Variants in CCNB3 observed in about 807,000 individuals in gnomAD.
CCNB3 encodes cyclin B3.
Under a neutral mutation model 68.0 loss-of-function variants are expected in CCNB3, and 12 were observed. That is an observed-to-expected ratio of 0.18 (90% CI 0.11 to 0.29). The LOEUF is 0.29. Among genes scored for constraint, CCNB3 ranks in the 10% least tolerant of loss-of-function variants. The probability of loss-of-function intolerance (pLI) is 1.00; values close to 1 mark genes in which losing one functional copy is unlikely to be tolerated. For missense variants in CCNB3, 904 were observed against 993.1 expected, an observed-to-expected ratio of 0.91 and a Z score of 1.21; for synonymous variants, 354 against 388.9, an observed-to-expected ratio of 0.91 and a Z score of 1.06.
chrX:50,299,974 T>A (rs1168925366), intron 5 of CCNB3, among the ~76,000 whole-genome samples: 5 of 111,574 alleles, frequency 4.5e-5, no homozygotes, highest in African/African-American at 1.6e-4. Flanking sequence ...TTTTTTGTTT[T>A]CCATTTGCTT....
intron 3 of CCNB3, among the ~76,000 whole-genome samples, chrX:50,286,632 GGTTGTT>G (rs1416492251): frequency 1.3e-5 from 1 of 78,394 alleles, no homozygotes; most frequent in Non-Finnish European, 2.5e-5. Context: ...TTTTTTTTTT[GGTTGTT>G]GTTGTTGTTG....
At position 50,309,113 on chromosome X, in the gene CCNB3, C is replaced by T. The variant is rs1921250829; in HGVS notation, c.944C>T (p.Ser315Phe). Residue 315 changes from serine to phenylalanine, a missense_variant, in exon 6 of 13, where the codon TCC (serine) becomes TTC (phenylalanine). Physicochemically the swap from Ser to Phe is radical, Grantham distance 155 (BLOSUM62 -2). Around this residue, in one of 2 missense-constraint regions of CCNB3, gnomAD observed 619 missense variants for 609.8 expected, o/e 1.02. Transcript: ENST00000376042. ...LQTTICGAMS[S>F]IKKPTTEKET... is the part of the protein sequence containing the mutation. ...ACAACCATCTGTGGAGCAATGTCCT[C>T]CATTAAGAAGCCTACCACTGAGAAG... is the stretch of plus-strand genomic sequence containing the variant. 1.7e-6 allele frequency: 2 copies of T among 1,210,627 alleles called. No individual in the cohort carries two copies. The highest frequency in any genetic ancestry group is 4.3e-5 in the Admixed American group (2 of 46,043).
chrX:50,207,397 G>A (rs1935386783), intron 1 of CCNB3, among the ~76,000 whole-genome samples: 1 of 112,263 alleles, frequency 8.9e-6, no homozygotes, highest in South Asian at 3.8e-4. Flanking sequence ...TTCATTATGA[G>A]CTTTATCTTT....
At chrX:50,205,262 C>T (rs782437752) in intron 1 of CCNB3, among the ~76,000 whole-genome samples, 3 of 111,361 alleles carry the variant, frequency 2.7e-5, no homozygotes, top group Admixed American at 9.5e-5. Context: ...ACCACCATGG[C>T]GAAACCCCGT....
intron 1 of CCNB3, among the ~76,000 whole-genome samples, chrX:50,215,034 G>T (rs1048369125): frequency 5.1e-4 from 56 of 110,303 alleles, no homozygotes; most frequent in African/African-American, 1.8e-3. Flanking sequence ...CTGTCGCCCG[G>T]GCTGGAGGGA....
chrX:50,308,417 C>T (rs1210363901), intron 5 of CCNB3, 88 bp from the exon 6 acceptor site: 1 of 617,350 alleles, frequency 1.6e-6, no homozygotes, highest in Non-Finnish European at 2.5e-6. Flanking sequence ...CCCTTTCATA[C>T]CTTTAGTAAA....
chrX:50,350,105 TAC>T (rs1224765489), intron 11 of CCNB3, among the ~76,000 whole-genome samples: 2 of 111,257 alleles, frequency 1.8e-5, no homozygotes, highest in Non-Finnish European at 3.8e-5. Context: ...TCTACTAGAC[TAC>T]AGACTCCTCA....
chrX:50,287,001 C>A (rs192563169), intron 3 of CCNB3, among the ~76,000 whole-genome samples: 1 of 112,247 alleles, frequency 8.9e-6, no homozygotes, highest in East Asian at 2.8e-4. Flanking sequence ...TGTCATGAAT[C>A]CAATTCTGGT....
intron 3 of CCNB3, among the ~76,000 whole-genome samples, chrX:50,286,325 G>C (rs919163747): frequency 4.5e-5 from 5 of 111,899 alleles, no homozygotes; most frequent in Non-Finnish European, 7.5e-5. Flanking sequence ...TTTTGAGATG[G>C]AGTCTTGCTC....
intron 8 of CCNB3, among the ~76,000 whole-genome samples, chrX:50,315,140 G>T (rs1426330836): frequency 9.0e-6 from 1 of 111,252 alleles, no homozygotes; most frequent in African/African-American, 3.3e-5. Flanking sequence ...TTAAGCAGTG[G>T]TTATCCATTA....
chrX:50,288,781 CGGG>C lies in CCNB3; in HGVS notation c.101_103del (p.Gly34del). The C allele has an allele frequency of 8.4e-7, 1 of 1,193,838 alleles. No homozygotes were observed. The highest frequency in any genetic ancestry group is 2.2e-5 in the Admixed American group (1 of 45,798). On this transcript the variant is annotated inframe_deletion and splice_region_variant, in exon 4 of 13. Coordinates refer to ENST00000376042, the MANE Select transcript of CCNB3 (RefSeq NM_033031.3). Reference sequence around the variant, plus strand: ...CATTTACCTCTTTTACTTTTTTAGACGGGGGAGAATTGCCAAACGAAGATATCT... The same window carrying C: ...CATTTACCTCTTTTACTTTTTTAGACGGAGAATTGCCAAACGAAGATATCT...
chrX:50,228,649 T>C lies in CCNB3; in HGVS notation c.-113+23699T>C, dbSNP rs1165585810. On this transcript the variant is annotated intron_variant, in intron 1 of 12. Coordinates refer to ENST00000376042, the MANE Select transcript of CCNB3 (RefSeq NM_033031.3). ...ATAGAATATACATATAGAATATATATAGAATATATAGAATATATATAGAAT... is the reference window on the plus strand; with the variant it reads ...ATAGAATATACATATAGAATATATACAGAATATATAGAATATATATAGAAT... Among the ~76,000 whole-genome samples the C allele has an allele frequency of 8.9e-3, 726 of 81,126 alleles. 3 individuals are homozygous for C. The highest frequency in any genetic ancestry group is 0.038 in the Middle Eastern group (2 of 53). 70.4% of individuals were successfully genotyped at this position (81,126 alleles called of 115,157 possible). A position where few individuals can be genotyped will look rare whatever the true frequency, so the allele number is the denominator to read the frequency against.
At position 50,333,207 on chromosome X, in the gene CCNB3, A is replaced by C. The variant is rs781787008; in HGVS notation, c.3517-8995A>C. On this transcript the variant is annotated intron_variant, in intron 8 of 12. Coordinates refer to ENST00000376042, the MANE Select transcript of CCNB3 (RefSeq NM_033031.3). ...AGTCAGCCACAAATGCTGGCCCATT[A>C]TCCGAGCCGATTCATAAGGGCAGTC... is the stretch of plus-strand genomic sequence containing the variant. 1.1e-3 allele frequency among the ~76,000 whole-genome samples: 124 copies of C among 111,239 alleles called. 1 individual carries two copies. Among genetic ancestry groups the C allele is most frequent in the Middle Eastern group, 4.7e-3 (1 of 213 alleles).
At chrX:50,227,032 T>G (rs1254359822) in intron 1 of CCNB3, among the ~76,000 whole-genome samples, 2 of 78,615 alleles carry the variant, frequency 2.5e-5, no homozygotes, top group Non-Finnish European at 4.5e-5. Flanking sequence ...TATATACAAA[T>G]ATATAGAATA....
At chrX:50,228,843 A>C (rs1282571787) in intron 1 of CCNB3, among the ~76,000 whole-genome samples, 10 of 67,609 alleles carry the variant, frequency 1.5e-4, no homozygotes, top group Admixed American at 4.3e-4. Context: ...GAATACATAT[A>C]TAGAATATAT....
intron 4 of CCNB3, 69 bp from the exon 5 acceptor site, chrX:50,294,794 A>C: frequency 9.0e-7 from 1 of 1,115,280 alleles, no homozygotes; most frequent in Non-Finnish European, 1.2e-6. Context: ...CCTTTTAGGT[A>C]ATTTGTGGTT....
intron 9 of CCNB3, among the ~76,000 whole-genome samples, chrX:50,344,036 T>C (rs1923269855): frequency 8.9e-6 from 1 of 112,303 alleles, no homozygotes; most frequent in Admixed American, 9.4e-5. Context: ...AAGTGCCCAA[T>C]ACAAGTGTAC....
At chrX:50,319,947 C>T (rs1250845980) in intron 8 of CCNB3, among the ~76,000 whole-genome samples, 1 of 110,706 alleles carries the variant, frequency 9.0e-6, no homozygotes, top group Admixed American at 9.6e-5. Context: ...TTTTTATATT[C>T]CTGAGATAAA....
chrX:50,304,701 G>A (rs1291711794), intron 5 of CCNB3, among the ~76,000 whole-genome samples: 5 of 111,473 alleles, frequency 4.5e-5, no homozygotes, highest in African/African-American at 1.3e-4. Context: ...AGAAACTACC[G>A]TCAGAGTGAA....
Sources: gnomAD v4.1 joint callset for allele counts (sites outside exome capture counted in the v4.1 genomes callset) on GRCh38, gnomAD v4.1.1 for gene constraint, gnomAD v4.1.1 regional missense constraint, MANE v1.5 for transcripts, NCBI Gene and HGNC (gene_info 2026-07-23, HGNC 2026-07-21) for gene names.